Variants in MEGF6 observed in about 807,000 individuals in gnomAD.
MEGF6 encodes the protein multiple EGF like domains 6.
MEGF6 carries 184 observed loss-of-function variants against 207.1 expected under a neutral mutation model. The ratio of observed to expected loss-of-function variants is 0.89; its 90% CI spans 0.79 to 1.00. The LOEUF (loss-of-function observed/expected upper bound fraction) is 1.00. MEGF6 is among the 50% of genes least tolerant of loss of function. MEGF6 has a pLI of 0.00. For synonymous variants in MEGF6, 1,038 were observed against 910.0 expected, an observed-to-expected ratio of 1.14 and a Z score of -2.53; for missense variants, 2,282 against 2,202.9, an observed-to-expected ratio of 1.04 and a Z score of -0.72.
intron 4 of MEGF6, chr1:3,530,962 G>GCTC: frequency 1.5e-6 from 2 of 1,321,170 alleles, no homozygotes; most frequent in South Asian, 3.4e-5. Context: ...GCCCCGCCCT[G>GCTC]CTCCCTCCAG....
intron 36 of MEGF6, 43 bp downstream of exon 36, chr1:3,490,869 C>A (rs1320938820): frequency 6.4e-7 from 1 of 1,557,242 alleles, no homozygotes. Flanking sequence ...TTGCCATAAC[C>A]CACCCTCCTG....
At chr1:3,614,199 C>A (rs987295937), upstream of MEGF6, among the ~76,000 whole-genome samples, 1 of 152,340 alleles carries the variant, frequency 6.6e-6, no homozygotes, top group East Asian at 1.9e-4. Flanking sequence ...GACAGGCAGG[C>A]CCCTGGGGCT....
chr1:3,531,414 G>C lies in MEGF6; in HGVS notation c.482-7168C>G, dbSNP rs913472847. 3.5e-6 allele frequency: 4 copies of C among 1,132,630 alleles called. No homozygotes were observed. In the African/African-American group the frequency reaches 6.6e-5, roughly 19 times the overall value. 70.2% of individuals were successfully genotyped at this position (1,132,630 alleles called of 1,614,324 possible). On this transcript the variant is annotated intron_variant, in intron 4 of 36. Coordinates refer to ENST00000356575, the MANE Select transcript of MEGF6 (RefSeq NM_001409.4). ...CGGCGCCGCCCGGGAGCCGCTCTGG[G>C]CCGGGCGCGCCCCGCCCCTCGCCTT...
At chr1:3,539,459 CT>C (rs1330522975) in intron 4 of MEGF6, among the ~76,000 whole-genome samples, 1 of 152,092 alleles carries the variant, frequency 6.6e-6, no homozygotes, top group Admixed American at 6.5e-5. Context: ...GGCTCAGCAC[CT>C]CGGCCCTGCC....
At chr1:3,613,693 A>C (rs1379870908), upstream of MEGF6, among the ~76,000 whole-genome samples, 1 of 152,194 alleles carries the variant, frequency 6.6e-6, no homozygotes, top group Non-Finnish European at 1.5e-5. Flanking sequence ...GAAACGTATA[A>C]AATGAGGGGC....
In MEGF6 at chr1:3,560,134, T is replaced by C. The variant is rs1462126432; in HGVS notation, c.481+19691A>G. Among the ~76,000 whole-genome samples the C allele has an allele frequency of 1.4e-5, 2 of 144,548 alleles. No individual in the cohort carries two copies. The highest frequency in any genetic ancestry group is 5.1e-5 in the African/African-American group (2 of 38,866). The allele number at this position is 144,548 out of a possible 152,430, so 94.8% of individuals were successfully genotyped here. A position where few individuals can be genotyped will look rare whatever the true frequency, so the allele number is the denominator to read the frequency against. On this transcript the variant is annotated intron_variant, in intron 4 of 36. Coordinates refer to ENST00000356575, the MANE Select transcript of MEGF6 (RefSeq NM_001409.4). This position sits in a 1 kb window ranked among gnomAD's most constrained non-coding sequence, Gnocchi z 4.0. ...TCCCAGAGGGCAAAGAAGGCTGGGC[T>C]TTTTTTTTTTCTTTTAACTAATAGA...
intron 2 of MEGF6, among the ~76,000 whole-genome samples, chr1:3,597,909 G>A (rs1245851275): frequency 6.6e-6 from 1 of 152,224 alleles, no homozygotes; most frequent in African/African-American, 2.4e-5. Context: ...CTGCCCAGGG[G>A]TCCCAAGGCT....
Position 3,565,265 on chromosome 1 carries a change from G to A in MEGF6, c.481+14560C>T, listed in dbSNP as rs1286883048. On this transcript the variant is annotated intron_variant, in intron 4 of 36. Coordinates refer to ENST00000356575, the MANE Select transcript of MEGF6 (RefSeq NM_001409.4). The surrounding 1 kb of genome is among the most constrained non-coding windows in gnomAD (Gnocchi z 4.8). ...CTCCTTGTTTATCAGACATGGCACC[G>A]AGATGGCATCAGCAGTGGGTGAGAA... 6.6e-6 allele frequency among the ~76,000 whole-genome samples: 1 copy of A among 151,452 alleles called. No individual in the cohort carries two copies. The highest frequency in any genetic ancestry group is 1.5e-5 in the Non-Finnish European group (1 of 67,970).
chr1:3,567,512 C>A (rs1438077181), intron 4 of MEGF6, among the ~76,000 whole-genome samples: 2 of 151,512 alleles, frequency 1.3e-5, no homozygotes, highest in Non-Finnish European at 2.9e-5. Flanking sequence ...CCCTCCTGCA[C>A]CCCCAGCATG....
intron 4 of MEGF6, chr1:3,530,945 G>A (rs1401393657): frequency 4.9e-6 from 6 of 1,219,716 alleles, no homozygotes; most frequent in South Asian, 1.9e-5. Flanking sequence ...CGCGCCTGCC[G>A]GGCACTGCCC....
rs998189544 is a variant in MEGF6, at chr1:3,508,476, T to C, written c.1660+82A>G. The C allele has an allele frequency of 1.4e-5, 21 of 1,518,838 alleles. No homozygotes were observed. The African/African-American group carries it at 2.6e-4, about 19-fold the overall frequency. The allele number at this position is 1,518,838 out of a possible 1,614,324, so 94.1% of individuals were successfully genotyped here. Reference sequence around the variant, plus strand: ...CAGGGCCAGCAGGCAGGAGTAAAACTGAATGGGCTCAAAGGGCTGTCCCCA... The same window carrying C: ...CAGGGCCAGCAGGCAGGAGTAAAACCGAATGGGCTCAAAGGGCTGTCCCCA... On this transcript the variant is annotated intron_variant, in intron 13 of 36. Coordinates refer to ENST00000356575, the MANE Select transcript of MEGF6 (RefSeq NM_001409.4).
chr1:3,561,865 G>A (rs527529906), intron 4 of MEGF6, among the ~76,000 whole-genome samples: 116 of 152,374 alleles, frequency 7.6e-4, no homozygotes, highest in Non-Finnish European at 1.3e-3. Flanking sequence ...CAAAACGTGG[G>A]AGGGGGCTTT....
At chr1:3,523,150 G>C (rs139314418) in intron 5 of MEGF6, among the ~76,000 whole-genome samples, 1 of 152,066 alleles carries the variant, frequency 6.6e-6, no homozygotes, top group Non-Finnish European at 1.5e-5. Context: ...GCTCAGAGCC[G>C]GCTTGGGCCC....
intron 3 of MEGF6, among the ~76,000 whole-genome samples, chr1:3,590,471 G>A (rs1237078378): frequency 6.6e-6 from 1 of 152,248 alleles, no homozygotes; most frequent in African/African-American, 2.4e-5. Context: ...TGTGGGCTCT[G>A]GAAGCCCCGG....
At chr1:3,590,832 T>C (rs775847129) in intron 3 of MEGF6, among the ~76,000 whole-genome samples, 1 of 152,162 alleles carries the variant, frequency 6.6e-6, no homozygotes, top group Non-Finnish European at 1.5e-5. Flanking sequence ...CACAGGGCCC[T>C]CTAAAGAGTG....
chr1:3,505,700 G>T, intron 15 of MEGF6, 144 bp from the exon 16 acceptor site: 2 of 1,164,178 alleles, frequency 1.7e-6, no homozygotes, highest in South Asian at 1.6e-5. Flanking sequence ...GCAGCCCACC[G>T]CCCCTTCCCT....
intron 29 of MEGF6, 84 bp downstream of exon 29, chr1:3,496,570 CG>C: frequency 6.5e-7 from 1 of 1,528,644 alleles, no homozygotes; most frequent in Non-Finnish European, 8.8e-7. Context: ...GGTGGGCAGT[CG>C]GGGGCCATCC....
rs1172021642 is a variant in MEGF6, at chr1:3,492,694, A to T, written c.4461T>A (p.Pro1487=). ...CDCGGGADCD[P]VSGQCHCVDG... is the part of the protein sequence containing the mutation. ...CCACACAGTGACACTGCCCACTGAC[A>T]GGGTCGCAGTCAGCCCCACCCCCGC... Residue 1487 remains proline, a synonymous_variant, in exon 35 of 37, where the codon CCT becomes CCA. Transcript: ENST00000356575. The T allele has an allele frequency of 6.2e-7, 1 of 1,612,622 alleles. No individual in the cohort carries two copies. Among genetic ancestry groups the T allele is most frequent in the Non-Finnish European group, 8.5e-7 (1 of 1,179,848 alleles).
At position 3,524,137 on chromosome 1, in the gene MEGF6, G is replaced by A. The variant is rs1228544864; in HGVS notation, c.591C>T (p.Ser197=). Residue 197 remains serine, a synonymous_variant, in exon 5 of 37, where the codon AGC becomes AGT. Coordinates refer to ENST00000356575, the MANE Select transcript of MEGF6 (RefSeq NM_001409.4). ...GGCGACACTCACCCAGGCAGGTCCTGCTGTCAGTGTGGAGCCGGAAGCCGG... is the reference window on the plus strand; with the variant it reads ...GGCGACACTCACCCAGGCAGGTCCTACTGTCAGTGTGGAGCCGGAAGCCGG... ...CKPGFRLHTD[S]RTCLAINSCA... 1 of 1,612,240 alleles carries A rather than the reference G, an allele frequency of 6.2e-7. No individual in the cohort carries two copies. The highest frequency in any genetic ancestry group is 8.5e-7 in the Non-Finnish European group (1 of 1,179,664).
Sources: gnomAD v4.1 joint callset for allele counts (sites outside exome capture counted in the v4.1 genomes callset) on GRCh38, gnomAD v4.1.1 for gene constraint, Gnocchi (gnomAD v3.1) non-coding constraint, MANE v1.5 for transcripts, NCBI Gene and HGNC (gene_info 2026-07-23, HGNC 2026-07-21) for gene names.